Variants in HMGA2 observed in about 807,000 individuals in gnomAD.
HMGA2 encodes high mobility group protein HMGI-C.
A neutral mutation model predicts 19.1 loss-of-function variants in HMGA2; 8 were observed. The observed-to-expected ratio is 0.42, with a 90% confidence interval of 0.25 to 0.76. HMGA2 has a LOEUF of 0.76. Among genes scored for constraint, HMGA2 ranks in the 30% least tolerant of loss-of-function variants. The probability of loss-of-function intolerance (pLI) is 0.28; values close to 1 mark genes in which losing one functional copy is unlikely to be tolerated. For synonymous variants in HMGA2, 60 were observed against 48.8 expected, an observed-to-expected ratio of 1.23 and a Z score of -0.96; for missense variants, 109 against 136.3, an observed-to-expected ratio of 0.80 and a Z score of 1.00.
chr12:65,848,599 G>A (rs1871322641), intron 3 of HMGA2, among the ~76,000 whole-genome samples: 1 of 152,182 alleles, frequency 6.6e-6, no homozygotes, highest in South Asian at 2.1e-4. Flanking sequence ...GCTCACGCCT[G>A]TAATCCCAGC....
At chr12:65,928,285 A>C (rs1316036228) in intron 3 of HMGA2, among the ~76,000 whole-genome samples, 1 of 152,142 alleles carries the variant, frequency 6.6e-6, no homozygotes, top group Non-Finnish European at 1.5e-5. Flanking sequence ...CAGTAAAAAT[A>C]CAGCATAAAA....
rs1028620434 is a variant in HMGA2 at position 65,825,502 on chromosome 12, C to G, written c.111+121C>G. 6.2e-5 allele frequency: 32 copies of G among 516,584 alleles called. No individual in the cohort carries two copies. The highest frequency in any genetic ancestry group is 6.2e-4 in the African/African-American group (30 of 48,768). The allele number at this position is 516,584 out of a possible 1,614,324, so 32.0% of individuals were successfully genotyped here. On this transcript the variant is annotated intron_variant, in intron 1 of 4. Transcript: ENST00000403681. The surrounding 1 kb of genome is among the most constrained non-coding windows in gnomAD (Gnocchi z 4.4). Reference sequence around the variant, plus strand: ...GCCGCGGCCGTCGCACACTGCCCGCCGGCCGGCCGGGGGGAGCGGCGCAGA... The same window carrying G: ...GCCGCGGCCGTCGCACACTGCCCGCGGGCCGGCCGGGGGGAGCGGCGCAGA...
chr12:65,955,141 T>A (rs991801421), intron 4 of HMGA2: 3 of 151,994 alleles, frequency 2.0e-5, no homozygotes, highest in Middle Eastern at 3.2e-3. Context: ...GCAGAGATTG[T>A]GCCACTGCAC....
At position 65,825,006 on chromosome 12, in the gene HMGA2, C is replaced by A; in HGVS notation, c.-265C>A. The A allele has an allele frequency of 2.4e-6, 1 of 424,092 alleles. No homozygotes were observed. The highest frequency in any genetic ancestry group is 4.2e-6 in the Non-Finnish European group (1 of 238,180). The allele number at this position is 424,092 out of a possible 1,614,324, so 26.3% of individuals were successfully genotyped here. On this transcript the variant is annotated 5_prime_UTR_variant, in exon 1 of 5. Transcript: ENST00000403681. This position sits in a 1 kb window ranked among gnomAD's most constrained non-coding sequence, Gnocchi z 4.4. The stretch of plus-strand genomic sequence containing the variant: ...CACCGCCACCTCCACCTCCGGCACC[C>A]ACCCACCGCCGCCGCCGCCACCGGC...
At chr12:65,933,434 G>A (rs543961620) in intron 3 of HMGA2, among the ~76,000 whole-genome samples, 3 of 152,150 alleles carry the variant, frequency 2.0e-5, no homozygotes, top group African/African-American at 4.8e-5. Flanking sequence ...AAGCATAAGC[G>A]ATGTTGCAAA....
intron 2 of HMGA2, among the ~76,000 whole-genome samples, chr12:65,837,395 G>A (rs1183830099): frequency 2.0e-5 from 3 of 152,154 alleles, no homozygotes; most frequent in Admixed American, 1.3e-4. Flanking sequence ...AAGAGAAAAA[G>A]AGGAAAGTTT....
At chr12:65,842,033 T>A in intron 3 of HMGA2, 1 of 1,228,934 alleles carries the variant, frequency 8.1e-7, no homozygotes, top group Non-Finnish European at 1.0e-6. Flanking sequence ...GGATTTCAGA[T>A]CTATTGTTTT....
intron 3 of HMGA2, among the ~76,000 whole-genome samples, chr12:65,928,756 A>ACCCT (rs1875604757): frequency 6.6e-5 from 10 of 152,228 alleles, no homozygotes; most frequent in Non-Finnish European, 1.0e-4. Flanking sequence ...GTGGATGATC[A>ACCCT]AAATGTCAGT....
At chr12:65,861,449 C>A (rs79032440) in intron 3 of HMGA2, among the ~76,000 whole-genome samples, 1 of 152,086 alleles carries the variant, frequency 6.6e-6, no homozygotes, top group African/African-American at 2.4e-5. Context: ...TAAAACAGAG[C>A]GTTCCATGTG....
chr12:65,945,216 G>A (rs113907683), intron 3 of HMGA2, among the ~76,000 whole-genome samples: 12 of 151,394 alleles, frequency 7.9e-5, no homozygotes, highest in South Asian at 2.1e-4. Context: ...TAAAAGGTGT[G>A]GGGGAGGTTC....
chr12:65,944,101 A>T (rs965923643), intron 3 of HMGA2, among the ~76,000 whole-genome samples: 1 of 152,146 alleles, frequency 6.6e-6, no homozygotes, highest in Non-Finnish European at 1.5e-5. Flanking sequence ...AAATCCTTCA[A>T]ACTTCAGATA....
At chr12:65,927,086 C>T (rs751309868) in intron 3 of HMGA2, among the ~76,000 whole-genome samples, 1 of 152,170 alleles carries the variant, frequency 6.6e-6, no homozygotes, top group Admixed American at 6.5e-5. Context: ...TCTTTCAACA[C>T]ACGGGAGTTT....
At chr12:65,888,945 C>G (rs1302596030) in intron 3 of HMGA2, among the ~76,000 whole-genome samples, 1 of 152,006 alleles carries the variant, frequency 6.6e-6, no homozygotes, top group African/African-American at 2.4e-5. Context: ...ATGCTCAGCC[C>G]GTCTAACTTC....
intron 3 of HMGA2, among the ~76,000 whole-genome samples, chr12:65,895,318 A>G (rs934050218): frequency 6.6e-6 from 1 of 152,184 alleles, no homozygotes; most frequent in Non-Finnish European, 1.5e-5. Context: ...AAAAGTCATT[A>G]AAATTGTTTG....
intron 3 of HMGA2, among the ~76,000 whole-genome samples, chr12:65,916,841 A>C (rs1875120688): frequency 6.6e-6 from 1 of 152,184 alleles, no homozygotes; most frequent in Non-Finnish European, 1.5e-5. Context: ...AATAAATAGA[A>C]AGAGGAAGCT....
intron 3 of HMGA2, among the ~76,000 whole-genome samples, chr12:65,919,531 A>C (rs1875227967): frequency 6.6e-6 from 1 of 152,232 alleles, no homozygotes; most frequent in African/African-American, 2.4e-5. Context: ...ATTTAAGAAA[A>C]ATGTTAAATT....
In HMGA2 at chr12:65,963,311, T is replaced by C; in HGVS notation, c.*19T>C. ...GGACTAGGGGGCGCCAACGTTCGAT[T>C]TCTACCTCAGCAGCAGTTGGATCTT... On this transcript the variant is annotated 3_prime_UTR_variant, in exon 5 of 5. Transcript: ENST00000403681. 6.2e-7 allele frequency: 1 copy of C among 1,611,722 alleles called. No individual in the cohort carries two copies. The highest frequency in any genetic ancestry group is 8.5e-7 in the Non-Finnish European group (1 of 1,178,602).
intron 3 of HMGA2, among the ~76,000 whole-genome samples, chr12:65,900,243 C>T (rs1874316018): frequency 6.6e-6 from 1 of 152,148 alleles, no homozygotes; most frequent in Non-Finnish European, 1.5e-5. Context: ...TTATCAGCCT[C>T]TCTGCATTCT....
intron 2 of HMGA2, among the ~76,000 whole-genome samples, chr12:65,829,397 G>T (rs1870376046): frequency 6.6e-6 from 1 of 151,896 alleles, no homozygotes. Context: ...ATATAATCTG[G>T]TATTTTTAAT....
Sources: allele counts gnomAD v4.1 joint callset (sites outside exome capture counted in the v4.1 genomes callset), GRCh38; gene constraint gnomAD v4.1.1; non-coding constraint Gnocchi (gnomAD v3.1); transcripts MANE v1.5; gene names NCBI Gene and HGNC (gene_info 2026-07-23, HGNC 2026-07-21).